The following LARGE1 variants were observed in gnomAD, a reference collection of about 807,000 sequenced individuals.
The protein encoded by LARGE1 is LARGE xylosyl- and glucuronyltransferase 1.
LARGE1 carries 43 observed loss-of-function variants against 87.6 expected under a neutral mutation model. The observed-to-expected ratio is 0.49, with a 90% confidence interval of 0.38 to 0.63. The LOEUF is 0.63. LARGE1 is among the 30% of genes least tolerant of loss of function. The probability of loss-of-function intolerance (pLI) is 0.00; values close to 1 mark genes in which losing one functional copy is unlikely to be tolerated. For missense variants in LARGE1, 802 were observed against 1,000.2 expected, an observed-to-expected ratio of 0.80 and a Z score of 2.67; for synonymous variants, 434 against 394.6, an observed-to-expected ratio of 1.10 and a Z score of -1.18.
chr22:33,707,733 T>C (rs2082604534), intron 2 of LARGE1, among the ~76,000 whole-genome samples: 1 of 152,240 alleles, frequency 6.6e-6, no homozygotes, highest in Non-Finnish European at 1.5e-5. Context: ...TTGTGTCTCT[T>C]TTTAGTTTCC....
At chr22:33,861,401 AACACACACACAC>A (rs139884348) in intron 1 of LARGE1, among the ~76,000 whole-genome samples, 1 of 148,956 alleles carries the variant, frequency 6.7e-6, no homozygotes, top group Non-Finnish European at 1.5e-5. Context: ...CACACACACA[AACACACACACAC>A]ACACACACCC....
intron 2 of LARGE1, among the ~76,000 whole-genome samples, chr22:33,703,368 A>G (rs1364316087): frequency 2.0e-5 from 3 of 151,610 alleles, no homozygotes; most frequent in Non-Finnish European, 4.4e-5. Context: ...AAAAAAAAAA[A>G]AAATAAAATA....
At chr22:33,418,091 G>C (rs531955320) in intron 7 of LARGE1, among the ~76,000 whole-genome samples, 1 of 152,254 alleles carries the variant, frequency 6.6e-6, no homozygotes, top group Admixed American at 6.5e-5. Flanking sequence ...GGGACTACAG[G>C]CATGTGCCAC....
chr22:33,724,044 G>A (rs1371600530), intron 2 of LARGE1: 1 of 152,906 alleles, frequency 6.5e-6, no homozygotes, highest in Non-Finnish European at 1.5e-5. Context: ...GTGGAGAGGA[G>A]AGTGTGAATA....
chr22:33,786,329 G>C (rs542779280), intron 1 of LARGE1, among the ~76,000 whole-genome samples: 3 of 152,122 alleles, frequency 2.0e-5, no homozygotes, highest in Non-Finnish European at 2.9e-5. Context: ...TCTCCAAATT[G>C]CTCCACCAGG....
At chr22:33,497,264 T>C (rs1328273661) in intron 6 of LARGE1, among the ~76,000 whole-genome samples, 2 of 152,008 alleles carry the variant, frequency 1.3e-5, no homozygotes, top group Middle Eastern at 3.2e-3. Flanking sequence ...TTAGTACAGA[T>C]AGGGTTTCAC....
At chr22:33,845,457 C>A (rs756627696) in intron 1 of LARGE1, among the ~76,000 whole-genome samples, 1 of 151,966 alleles carries the variant, frequency 6.6e-6, no homozygotes, top group Non-Finnish European at 1.5e-5. Context: ...TACAGGCATG[C>A]GTCACCATGC....
chr22:33,089,364 TTCTTCTCCTTCTTCTTCTTCTTCC>T, the LARGE1 span, among the ~76,000 whole-genome samples: 4 of 70,650 alleles, frequency 5.7e-5, no homozygotes, highest in African/African-American at 2.6e-4. Flanking sequence ...CTTCTTCTTC[TTCTTCTCCTTCTTCTTCTTCTTCC>T]TCTTCTTCTT....
chr22:33,459,340 T>C (rs1490035367), intron 6 of LARGE1, among the ~76,000 whole-genome samples: 5 of 152,166 alleles, frequency 3.3e-5, no homozygotes, highest in East Asian at 1.9e-4. Context: ...AGGCACTGTT[T>C]AGCATCTGCT....
At chr22:33,424,430 C>T (rs189039985) in intron 7 of LARGE1, among the ~76,000 whole-genome samples, 3 of 152,292 alleles carry the variant, frequency 2.0e-5, no homozygotes, top group Admixed American at 2.0e-4. Flanking sequence ...AGGATGCTCG[C>T]TTCAGTTATG....
chr22:33,848,605 A>T (rs1462014366), intron 1 of LARGE1, among the ~76,000 whole-genome samples: 2 of 152,112 alleles, frequency 1.3e-5, no homozygotes, highest in African/African-American at 4.8e-5. Context: ...TGTGCCAAAG[A>T]TGCCCCACGC....
chr22:33,746,834 G>A (rs1401216047), intron 2 of LARGE1, among the ~76,000 whole-genome samples: 1 of 152,136 alleles, frequency 6.6e-6, no homozygotes, highest in Non-Finnish European at 1.5e-5. Flanking sequence ...CCAAGTCCTG[G>A]AGCCCAGGAG....
At chr22:33,532,985 A>G (rs2076941558) in intron 6 of LARGE1, among the ~76,000 whole-genome samples, 1 of 152,210 alleles carries the variant, frequency 6.6e-6, no homozygotes. Context: ...CAAATGTTTG[A>G]TTTCATGGTC....
the LARGE1 span, among the ~76,000 whole-genome samples, chr22:33,096,689 C>A: frequency 6.6e-6 from 1 of 151,546 alleles, no homozygotes; most frequent in Non-Finnish European, 1.5e-5. Flanking sequence ...CTCCGCCTCC[C>A]GAGCAGGTGG....
chr22:33,302,660 C>T (rs556138350), intron 12 of LARGE1, among the ~76,000 whole-genome samples: 15 of 152,202 alleles, frequency 9.9e-5, no homozygotes, highest in African/African-American at 2.4e-4. Flanking sequence ...GACAGAGAGA[C>T]GGAGTCAGAA....
Position 33,273,173 on chromosome 22 carries a change from A to G in LARGE1, c.*1254T>C. On this transcript the variant is annotated 3_prime_UTR_variant, in exon 15 of 15. Coordinates refer to ENST00000397394, the MANE Select transcript of LARGE1 (RefSeq NM_133642.5). ...CAGCCCAGCAGAGGGTAGGGCATTA[A>G]CTCTTGTTCTCATCAATGTAAACAC... The G allele has an allele frequency of 2.7e-6, 1 of 376,512 alleles. No individual in the cohort carries two copies. The highest frequency in any genetic ancestry group is 4.7e-6 in the Non-Finnish European group (1 of 212,630). The allele number at this position is 376,512 out of a possible 1,614,324, so 23.3% of individuals were successfully genotyped here. A position where few individuals can be genotyped will look rare whatever the true frequency, so the allele number is the denominator to read the frequency against.
chr22:33,719,199 C>T (rs371651943), intron 2 of LARGE1, among the ~76,000 whole-genome samples: 6 of 152,186 alleles, frequency 3.9e-5, no homozygotes, highest in East Asian at 1.9e-4. Context: ...CTATACAATG[C>T]GTTTGTTAGA....
At chr22:33,277,365 T>C (rs766521934) in intron 13 of LARGE1, 110 bp from the exon 14 acceptor site, 29 of 1,017,422 alleles carry the variant, frequency 2.9e-5, no homozygotes, top group Non-Finnish European at 4.3e-5. Flanking sequence ...CTCGGGTGAG[T>C]TGAACTGTCT....
intron 9 of LARGE1, among the ~76,000 whole-genome samples, chr22:33,375,624 A>T (rs938386175): frequency 2.0e-5 from 3 of 152,256 alleles, no homozygotes; most frequent in Non-Finnish European, 4.4e-5. Flanking sequence ...TCAGCCTTAG[A>T]GTAGATGAAT....
Sources: gnomAD v4.1 joint callset for allele counts (sites outside exome capture counted in the v4.1 genomes callset) on GRCh38, gnomAD v4.1.1 for gene constraint, MANE v1.5 for transcripts, NCBI Gene and HGNC (gene_info 2026-07-23, HGNC 2026-07-21) for gene names.